DRC8: variants seen among roughly 807,000 people sequenced by gnomAD.
DRC8 encodes the protein dynein regulatory complex subunit 8.
the DRC8 span, among the ~76,000 whole-genome samples, chr1:245,025,142 A>G: frequency 1.1e-3 from 175 of 152,340 alleles, no homozygotes; most frequent in Admixed American, 3.7e-3. Flanking sequence ...TTAGTAGAAT[A>G]AATTTAGGTT....
the DRC8 span, among the ~76,000 whole-genome samples, chr1:244,974,852 T>C: frequency 1.3e-5 from 2 of 151,456 alleles, no homozygotes; most frequent in South Asian, 4.2e-4. Flanking sequence ...CAAGCCACCA[T>C]GCCCGACTAA....
the DRC8 span, among the ~76,000 whole-genome samples, chr1:245,079,362 C>T: frequency 6.6e-6 from 1 of 152,148 alleles, no homozygotes; most frequent in South Asian, 2.1e-4. Context: ...ACAAAGAACA[C>T]TTATGACCCC....
chr1:244,971,980 A>T, the DRC8 span, among the ~76,000 whole-genome samples: 1 of 144,954 alleles, frequency 6.9e-6, no homozygotes, highest in African/African-American at 2.5e-5. Context: ...AAAAAAAGCC[A>T]TTAGGAGATA....
the DRC8 span, among the ~76,000 whole-genome samples, chr1:244,984,787 A>G: frequency 2.0e-5 from 3 of 151,420 alleles, no homozygotes; most frequent in African/African-American, 7.3e-5. Flanking sequence ...GTGAGCCGAG[A>G]TCATGCCACT....
chr1:245,104,262 G>A, the DRC8 span, among the ~76,000 whole-genome samples: 1 of 152,226 alleles, frequency 6.6e-6, no homozygotes, highest in Non-Finnish European at 1.5e-5. Flanking sequence ...CCAGCACCTT[G>A]GGAGGCCCAG....
At chr1:245,096,815 G>A in the DRC8 span, among the ~76,000 whole-genome samples, 1 of 152,246 alleles carries the variant, frequency 6.6e-6, no homozygotes, top group African/African-American at 2.4e-5. Context: ...TTAGGGAAAA[G>A]AGTGCTGAAT....
the DRC8 span, among the ~76,000 whole-genome samples, chr1:245,044,480 A>G: frequency 2.8e-3 from 421 of 151,434 alleles, 3 homozygotes; most frequent in Non-Finnish European, 4.3e-3. Flanking sequence ...CATTGGTTTC[A>G]GTTTTTTATT....
chr1:245,103,917 C>A, the DRC8 span, among the ~76,000 whole-genome samples: 1 of 152,126 alleles, frequency 6.6e-6, no homozygotes. Flanking sequence ...AAACAAGATC[C>A]TAAGAAGGGA....
chr1:245,099,867 C>CAATG, the DRC8 span, among the ~76,000 whole-genome samples: 2 of 152,106 alleles, frequency 1.3e-5, no homozygotes, highest in African/African-American at 4.8e-5. Context: ...AGTTAGTAGA[C>CAATG]AATGGTACAG....
the DRC8 span, among the ~76,000 whole-genome samples, chr1:245,092,050 C>T: frequency 1.3e-5 from 2 of 152,266 alleles, no homozygotes; most frequent in East Asian, 3.9e-4. Flanking sequence ...ACTCAGGACC[C>T]GACACACAGG....
chr1:245,094,108 A>G, the DRC8 span, among the ~76,000 whole-genome samples: 1 of 152,170 alleles, frequency 6.6e-6, no homozygotes, highest in East Asian at 1.9e-4. Flanking sequence ...ATCCGCACTT[A>G]GGCAAAGCTC....
chr1:244,978,512 C>T, the DRC8 span, among the ~76,000 whole-genome samples: 37 of 147,574 alleles, frequency 2.5e-4, no homozygotes, highest in Non-Finnish European at 4.3e-4. Flanking sequence ...AAAAAAGAGA[C>T]GAGGTCTCAC....
the DRC8 span, among the ~76,000 whole-genome samples, chr1:245,029,821 C>T: frequency 3.3e-5 from 5 of 152,088 alleles, no homozygotes; most frequent in African/African-American, 1.2e-4. Context: ...GTCTCGAACT[C>T]CTGGCCTCAA....
At chr1:245,019,101 G>A in the DRC8 span, among the ~76,000 whole-genome samples, 730 of 152,256 alleles carry the variant, frequency 4.8e-3, 14 homozygotes, top group East Asian at 0.054. Context: ...AAAAGAAAAC[G>A]TGTTTATGGG....
At chr1:245,113,185 GT>G in the DRC8 span, among the ~76,000 whole-genome samples, 1 of 152,094 alleles carries the variant, frequency 6.6e-6, no homozygotes, top group Non-Finnish European at 1.5e-5. Flanking sequence ...TTCCTATAAA[GT>G]TTCCCCCCTA....
At chr1:245,084,124 C>T in the DRC8 span, among the ~76,000 whole-genome samples, 2 of 146,236 alleles carry the variant, frequency 1.4e-5, no homozygotes, top group African/African-American at 5.1e-5. Context: ...CTCTGTCACC[C>T]AGGCTGGAGT....
At chr1:245,055,388 T>C in the DRC8 span, among the ~76,000 whole-genome samples, 1 of 152,218 alleles carries the variant, frequency 6.6e-6, no homozygotes, top group African/African-American at 2.4e-5. Context: ...TGCAGGATCA[T>C]AGTCCACTGC....
chr1:245,041,904 A>G, the DRC8 span, among the ~76,000 whole-genome samples: 1 of 152,122 alleles, frequency 6.6e-6, no homozygotes, highest in Admixed American at 6.6e-5. Context: ...ACCTGCTGAC[A>G]CCTTTATCTG....
the DRC8 span, among the ~76,000 whole-genome samples, chr1:244,989,289 A>G: frequency 3.7e-3 from 564 of 152,266 alleles, 7 homozygotes; most frequent in African/African-American, 0.013. Flanking sequence ...CTTAATTTTT[A>G]CCTAATGTCC....
Sources: gnomAD v4.1 joint callset for allele counts (sites outside exome capture counted in the v4.1 genomes callset) on GRCh38, gnomAD v4.1.1 for gene constraint, MANE v1.5 for transcripts, NCBI Gene and HGNC (gene_info 2026-07-23, HGNC 2026-07-21) for gene names.